EPHA3: variants seen among roughly 807,000 people sequenced by gnomAD.
EPHA3 encodes EPH receptor A3, also known as ephrin type-A receptor 3.
Under a neutral mutation model 107.1 loss-of-function variants are expected in EPHA3, and 42 were observed. The ratio of observed to expected loss-of-function variants is 0.39; its 90% CI spans 0.31 to 0.51. The LOEUF (loss-of-function observed/expected upper bound fraction) is 0.51. Ranked by LOEUF, EPHA3 falls within the 20% of genes least tolerant of loss-of-function variation. The probability of loss-of-function intolerance (pLI) is 0.78; values close to 1 mark genes in which losing one functional copy is unlikely to be tolerated. For missense variants in EPHA3, 1,183 were observed against 1,211.2 expected, an observed-to-expected ratio of 0.98 and a Z score of 0.35; for synonymous variants, 461 against 424.8, an observed-to-expected ratio of 1.09 and a Z score of -1.05.
intron 1 of EPHA3, among the ~76,000 whole-genome samples, chr3:89,125,789 T>G (rs1421511980): frequency 6.6e-6 from 1 of 151,736 alleles, no homozygotes; most frequent in East Asian, 1.9e-4. Context: ...GCCTTACTTT[T>G]ACCCATTTAA....
chr3:89,393,891 CT>C (rs1708794389), intron 5 of EPHA3, among the ~76,000 whole-genome samples: 1 of 152,036 alleles, frequency 6.6e-6, no homozygotes, highest in East Asian at 1.9e-4. Context: ...AATAACTTAT[CT>C]TTTGCTTGGA....
chr3:89,227,043 C>T (rs1184823093), intron 3 of EPHA3, among the ~76,000 whole-genome samples: 4 of 151,862 alleles, frequency 2.6e-5, no homozygotes, highest in African/African-American at 9.7e-5. Context: ...TAAACATAGT[C>T]AAAAGAGAAA....
At chr3:89,370,078 C>A (rs1409363154) in intron 5 of EPHA3, among the ~76,000 whole-genome samples, 1 of 150,588 alleles carries the variant, frequency 6.6e-6, no homozygotes, top group Non-Finnish European at 1.5e-5. Context: ...ACTAGTTCAA[C>A]CATTGTGGAA....
At chr3:89,413,086 T>C (rs1709184760) in intron 9 of EPHA3, 55 bp from the exon 10 acceptor site, 1 of 1,603,252 alleles carries the variant, frequency 6.2e-7, no homozygotes, top group South Asian at 1.1e-5. Flanking sequence ...ATTTGATCTA[T>C]AATTGTTTGT....
intron 5 of EPHA3, among the ~76,000 whole-genome samples, chr3:89,347,771 C>T (rs1297551469): frequency 0.014 from 2,138 of 149,902 alleles, 54 homozygotes; most frequent in African/African-American, 0.047. Context: ...TAGCTCTTAT[C>T]ATTTTGAAAT....
At chr3:89,477,093 G>A (rs1710531374) in intron 16 of EPHA3, among the ~76,000 whole-genome samples, 1 of 152,148 alleles carries the variant, frequency 6.6e-6, no homozygotes, top group South Asian at 2.1e-4. Flanking sequence ...GGGATAAGTG[G>A]AGAAATGTTT....
chr3:89,295,170 G>A lies in EPHA3; in HGVS notation c.815-45746G>A, dbSNP rs1268226142. Among the ~76,000 whole-genome samples, 5 of 151,940 alleles carry A rather than the reference G, an allele frequency of 3.3e-5. No homozygotes were observed. In the East Asian group the frequency reaches 9.7e-4, roughly 29 times the overall value. ...AATGTTTTGCTCTCCCAGTGCATAT[G>A]AAGGTTATGTTTACTCTCTACCATA... On this transcript the variant is annotated intron_variant, in intron 3 of 16. Coordinates refer to ENST00000336596, the MANE Select transcript of EPHA3 (RefSeq NM_005233.6).
intron 2 of EPHA3, among the ~76,000 whole-genome samples, chr3:89,136,342 T>TTTTTTTTTTTTTTTC (rs1244472293): frequency 7.3e-6 from 1 of 136,630 alleles, no homozygotes; most frequent in Non-Finnish European, 1.6e-5. Flanking sequence ...TTTTTTTTTT[T>TTTTTTTTTTTTTTTC]TTTTTTTTTT....
chr3:89,315,214 G>A (rs931921590), intron 3 of EPHA3, among the ~76,000 whole-genome samples: 4 of 151,750 alleles, frequency 2.6e-5, no homozygotes, highest in African/African-American at 9.7e-5. Flanking sequence ...TGGTTTGTGT[G>A]TATACAATGT....
intron 1 of EPHA3, among the ~76,000 whole-genome samples, chr3:89,121,843 G>C (rs904957489): frequency 1.3e-5 from 2 of 151,664 alleles, no homozygotes; most frequent in Non-Finnish European, 2.9e-5. Context: ...GAATATACAA[G>C]CATGGTAGAT....
chr3:89,157,152 C>A (rs1185920862), intron 2 of EPHA3, among the ~76,000 whole-genome samples: 1 of 151,968 alleles, frequency 6.6e-6, no homozygotes, highest in East Asian at 1.9e-4. Context: ...GGAAAGAAGC[C>A]AGGATGCTAT....
intron 3 of EPHA3, among the ~76,000 whole-genome samples, chr3:89,307,497 T>G (rs1354610448): frequency 3.3e-5 from 5 of 152,168 alleles, no homozygotes; most frequent in Non-Finnish European, 7.4e-5. Flanking sequence ...ATACAAATAT[T>G]GTCTAAATGG....
At position 89,378,181 on chromosome 3, in the gene EPHA3, C is replaced by T. The variant is rs535335284; in HGVS notation, c.1307-17656C>T. Among the ~76,000 whole-genome samples the T allele has an allele frequency of 4.6e-5, 7 of 152,044 alleles. No homozygotes were observed. In the South Asian group the frequency reaches 1.5e-3, roughly 32 times the overall value. ...AATATAGATGATGGGTTGATGGGTT[C>T]AGCAAACCACCATAGCACGTGTATA... On this transcript the variant is annotated intron_variant, in intron 5 of 16. Coordinates refer to ENST00000336596, the MANE Select transcript of EPHA3 (RefSeq NM_005233.6).
chr3:89,413,789 C>CT (rs1166291704), intron 10 of EPHA3, among the ~76,000 whole-genome samples: 3 of 151,540 alleles, frequency 2.0e-5, no homozygotes, highest in South Asian at 2.1e-4. Context: ...TGTGTTAAAG[C>CT]TTTTTTTAAT....
chr3:89,396,557 T>C (rs931122583), intron 6 of EPHA3, among the ~76,000 whole-genome samples: 2 of 152,160 alleles, frequency 1.3e-5, no homozygotes, highest in Non-Finnish European at 2.9e-5. Flanking sequence ...AATTTAAAAA[T>C]TATTAAAAAA....
intron 5 of EPHA3, among the ~76,000 whole-genome samples, chr3:89,351,301 G>A (rs191712359): frequency 6.6e-6 from 1 of 151,148 alleles, no homozygotes; most frequent in Admixed American, 6.6e-5. Flanking sequence ...TGAGCCAGGT[G>A]TGGGATATAG....
In EPHA3 at chr3:89,394,020, A is replaced by G. The variant is rs1412741501; in HGVS notation, c.1307-1817A>G. Among the ~76,000 whole-genome samples, 4 of 152,346 alleles carry G rather than the reference A, an allele frequency of 2.6e-5. No homozygotes were observed. In the South Asian group the frequency reaches 8.3e-4, roughly 32 times the overall value. ...TGAAAGGTAAATGATGTTAATTTGTATGAAAAGATATTAATTCCTAATGGG... is the reference window on the plus strand; with the variant it reads ...TGAAAGGTAAATGATGTTAATTTGTGTGAAAAGATATTAATTCCTAATGGG... On this transcript the variant is annotated intron_variant, in intron 5 of 16. Coordinates refer to ENST00000336596, the MANE Select transcript of EPHA3 (RefSeq NM_005233.6).
At chr3:89,459,377 T>C (rs1019761713) in intron 15 of EPHA3, among the ~76,000 whole-genome samples, 6 of 152,092 alleles carry the variant, frequency 3.9e-5, no homozygotes, top group Non-Finnish European at 8.8e-5. Flanking sequence ...TTTATAAGAA[T>C]CAAAGAAATG....
chr3:89,303,740 T>C (rs962996394), intron 3 of EPHA3, among the ~76,000 whole-genome samples: 2 of 152,114 alleles, frequency 1.3e-5, no homozygotes, highest in Non-Finnish European at 2.9e-5. Context: ...TTTTTTAAAA[T>C]AAAGCAACTA....
Sources: allele counts gnomAD v4.1 joint callset (sites outside exome capture counted in the v4.1 genomes callset), GRCh38; gene constraint gnomAD v4.1.1; transcripts MANE v1.5; gene names NCBI Gene and HGNC (gene_info 2026-07-23, HGNC 2026-07-21).